The following ATXN1 variants were observed in gnomAD, a reference collection of about 807,000 sequenced individuals.
ATXN1 encodes ataxin 1.
A neutral mutation model predicts 56.4 loss-of-function variants in ATXN1; 8 were observed. The ratio of observed to expected loss-of-function variants is 0.14; its 90% CI spans 0.08 to 0.26. The LOEUF (loss-of-function observed/expected upper bound fraction) is 0.26. Ranked by LOEUF, ATXN1 falls within the 10% of genes least tolerant of loss-of-function variation. ATXN1 has a pLI of 1.00. For missense variants in ATXN1, 987 were observed against 1,106.5 expected (o/e 0.89, Z 1.53); for synonymous variants, 514 against 494.6 (o/e 1.04, Z -0.52).
At chr6:16,434,057 T>C (rs978373109) in intron 6 of ATXN1, among the ~76,000 whole-genome samples, 1 of 152,258 alleles carries the variant, frequency 6.6e-6, no homozygotes, top group Non-Finnish European at 1.5e-5. Flanking sequence ...TGCTATGGGT[T>C]ACATTTTCCA....
At chr6:16,529,578 T>C (rs1010084905) in intron 4 of ATXN1, among the ~76,000 whole-genome samples, 3 of 152,218 alleles carry the variant, frequency 2.0e-5, no homozygotes, top group African/African-American at 7.2e-5. Flanking sequence ...GGAATAATAA[T>C]GGCTCAAGAG....
At chr6:16,518,124 A>AAC (rs10629214) in intron 5 of ATXN1, among the ~76,000 whole-genome samples, 112,118 of 151,956 alleles carry the variant, frequency 0.74, 42,684 homozygotes, top group African/African-American at 0.92. Context: ...CCACGAAGAA[A>AAC]ACAACAGGTA....
chr6:16,481,264 T>G (rs941392044), intron 6 of ATXN1, among the ~76,000 whole-genome samples: 5 of 152,272 alleles, frequency 3.3e-5, no homozygotes, highest in Middle Eastern at 6.8e-3. Context: ...CTCCTGACCC[T>G]CTTATCTACT....
At chr6:16,633,913 A>G (rs1375084688) in intron 3 of ATXN1, among the ~76,000 whole-genome samples, 1 of 152,242 alleles carries the variant, frequency 6.6e-6, no homozygotes, top group African/African-American at 2.4e-5. Flanking sequence ...TTTACACTCC[A>G]GAGAGATGTT....
intron 3 of ATXN1, among the ~76,000 whole-genome samples, chr6:16,657,393 G>C (rs561740296): frequency 2.0e-5 from 3 of 152,232 alleles, no homozygotes; most frequent in Admixed American, 6.5e-5. Context: ...CAAAAAACTT[G>C]CCATTAAATT....
Position 16,753,281 on chromosome 6 carries a change from T to C in ATXN1, c.-663A>G. 1 of 456,748 alleles carries C rather than the reference T, an allele frequency of 2.2e-6. No homozygotes were observed. Among genetic ancestry groups the C allele is most frequent in the Non-Finnish European group, 4.4e-6 (1 of 226,984 alleles). The allele number at this position is 456,748 out of a possible 1,614,324, so 28.3% of individuals were successfully genotyped here. On this transcript the variant is annotated 5_prime_UTR_variant, in exon 2 of 8. Transcript: ENST00000436367. ...TAGTGGCAGTGGAGGAGGAGATTGC[T>C]GTACAAGGATGACAAACAAATCTGC...
At chr6:16,687,077 C>G (rs896627068) in intron 2 of ATXN1, among the ~76,000 whole-genome samples, 14 of 152,138 alleles carry the variant, frequency 9.2e-5, no homozygotes, top group African/African-American at 3.1e-4. Flanking sequence ...AAATAAAAAG[C>G]ACCAAGCCAT....
chr6:16,681,136 G>A lies in ATXN1; in HGVS notation c.-614-23235C>T, dbSNP rs371180848. On this transcript the variant is annotated intron_variant, in intron 2 of 7. Transcript: ENST00000436367. ...TCCCCACCAATGGGACAGTGCTCCA[G>A]TAGACCCCAGGATCTTCTATTTAAT... is the stretch of plus-strand genomic sequence containing the variant. Among the ~76,000 whole-genome samples the A allele has an allele frequency of 4.6e-5, 7 of 152,232 alleles. No homozygotes were observed. The East Asian group carries it at 1.3e-3, about 29-fold the overall frequency.
intron 4 of ATXN1, among the ~76,000 whole-genome samples, chr6:16,552,703 T>C (rs1012190386): frequency 1.3e-5 from 2 of 152,236 alleles, no homozygotes; most frequent in African/African-American, 4.8e-5. Flanking sequence ...AAATAATTAC[T>C]ATCCGCTGTA....
At chr6:16,463,587 G>A (rs775409742) in intron 6 of ATXN1, among the ~76,000 whole-genome samples, 21 of 152,252 alleles carry the variant, frequency 1.4e-4, no homozygotes, top group East Asian at 3.9e-4. Flanking sequence ...ATCCAAAACC[G>A]CCAAGGCCTA....
At position 16,451,476 on chromosome 6, in the gene ATXN1, C is replaced by T. The variant is rs943829898; in HGVS notation, c.-161+34496G>A. ...CGAGACTCCGTCTCAAAAAAAAAGGCCAGGTGCAGTGCCTCATGCCTGTAA... is the reference window on the plus strand; with the variant it reads ...CGAGACTCCGTCTCAAAAAAAAAGGTCAGGTGCAGTGCCTCATGCCTGTAA... On this transcript the variant is annotated intron_variant, in intron 6 of 7. Coordinates refer to ENST00000436367, the MANE Select transcript of ATXN1 (RefSeq NM_001128164.2). Among the ~76,000 whole-genome samples the T allele has an allele frequency of 4.0e-5, 6 of 151,418 alleles. No individual in the cohort carries two copies. In the East Asian group the frequency reaches 7.8e-4, roughly 20 times the overall value.
At chr6:16,588,112 G>A (rs980949127) in intron 3 of ATXN1, among the ~76,000 whole-genome samples, 2 of 151,862 alleles carry the variant, frequency 1.3e-5, no homozygotes, top group Non-Finnish European at 2.9e-5. Context: ...TCACTCTGAC[G>A]TCTTCCTCTC....
At chr6:16,657,232 G>A (rs972947891) in intron 3 of ATXN1, among the ~76,000 whole-genome samples, 11 of 151,842 alleles carry the variant, frequency 7.2e-5, no homozygotes, top group Admixed American at 2.0e-4. Flanking sequence ...CGTGATCCGC[G>A]CGCCTCGGCC....
At chr6:16,549,690 G>A (rs1163017818) in intron 4 of ATXN1, among the ~76,000 whole-genome samples, 1 of 152,100 alleles carries the variant, frequency 6.6e-6, no homozygotes, top group Non-Finnish European at 1.5e-5. Flanking sequence ...CTGAGGCTGG[G>A]AGTTCGAGAC....
chr6:16,462,666 C>A (rs1324687337), intron 6 of ATXN1, among the ~76,000 whole-genome samples: 1 of 152,182 alleles, frequency 6.6e-6, no homozygotes, highest in Non-Finnish European at 1.5e-5. Flanking sequence ...TCACCTATTA[C>A]ATGAGCAATG....
At chr6:16,694,433 T>C (rs1231376824) in intron 2 of ATXN1, among the ~76,000 whole-genome samples, 1 of 152,050 alleles carries the variant, frequency 6.6e-6, no homozygotes, top group Non-Finnish European at 1.5e-5. Flanking sequence ...TTTTGTATTT[T>C]AGTGGAGGTG....
At chr6:16,342,755 A>C (rs1761282097) in intron 6 of ATXN1, among the ~76,000 whole-genome samples, 1 of 152,252 alleles carries the variant, frequency 6.6e-6, no homozygotes, top group Non-Finnish European at 1.5e-5. Flanking sequence ...CATTATGCTA[A>C]GTGAAAGAAG....
Position 16,326,957 on chromosome 6 carries a change from C to T in ATXN1, c.1354G>A (p.Ala452Thr). The T allele has an allele frequency of 6.2e-7, 1 of 1,614,114 alleles. No individual in the cohort carries two copies. Among genetic ancestry groups the T allele is most frequent in the Non-Finnish European group, 8.5e-7 (1 of 1,180,032 alleles). The part of the protein sequence containing the change: ...EPLPVGLPAT[A>T]FYAGTQPPVI... ...GGGGGTTGAGTCCCTGCGTAGAAGG[C>T]CGTGGCTGGCAGTCCCACCGGGAGT... The change falls in exon 7 of 8, where the codon GCC becomes ACC. Residue 452 changes from alanine to threonine, a missense_variant. Physicochemically the swap from Ala to Thr is moderately conservative, Grantham distance 58. Around this residue, in one of 3 missense-constraint regions of ATXN1, gnomAD observed 723 missense variants for 791.7 expected, o/e 0.91. Transcript: ENST00000436367. The surrounding 1 kb of genome is among the most constrained non-coding windows in gnomAD (Gnocchi z 6.6).
At chr6:16,437,359 C>T (rs1458730336) in intron 6 of ATXN1, among the ~76,000 whole-genome samples, 1 of 152,194 alleles carries the variant, frequency 6.6e-6, no homozygotes, top group South Asian at 2.1e-4. Context: ...CGGATAAGTT[C>T]CATCCACTGG....
Sources: allele counts gnomAD v4.1 joint callset (sites outside exome capture counted in the v4.1 genomes callset), GRCh38; gene constraint gnomAD v4.1.1; regional missense constraint gnomAD v4.1.1; non-coding constraint Gnocchi (gnomAD v3.1); transcripts MANE v1.5; gene names NCBI Gene and HGNC (gene_info 2026-07-23, HGNC 2026-07-21).